The following POLN variants were observed in gnomAD, a reference collection of about 807,000 sequenced individuals.
POLN encodes DNA polymerase nu, also known as DNA polymerase N.
POLN carries 108 observed loss-of-function variants against 113.5 expected under a neutral mutation model. The ratio of observed to expected loss-of-function variants is 0.95; its 90% CI spans 0.81 to 1.12. The LOEUF is 1.12. Ranked by LOEUF, POLN falls within the 50% of genes most tolerant of loss-of-function variation. The pLI, the probability that POLN is intolerant of heterozygous loss-of-function variation, is 0.00. For synonymous variants in POLN, 386 were observed against 391.5 expected, an observed-to-expected ratio of 0.99 and a Z score of 0.17; for missense variants, 1,097 against 1,077.1, an observed-to-expected ratio of 1.02 and a Z score of -0.26.
At chr4:2,135,099 G>A (rs901293509) in intron 16 of POLN, among the ~76,000 whole-genome samples, 4 of 152,204 alleles carry the variant, frequency 2.6e-5, no homozygotes, top group Non-Finnish European at 4.4e-5. Flanking sequence ...CTGTCATGAC[G>A]TGTGTATCAC....
In POLN at chr4:2,159,220, G is replaced by A; in HGVS notation, c.1555-9C>T. 5 of 1,590,600 alleles carry A rather than the reference G, an allele frequency of 3.1e-6. No homozygotes were observed. The highest frequency in any genetic ancestry group is 4.3e-6 in the Non-Finnish European group (5 of 1,161,318). ...TCTCGCAGAGCATTTAACTAAACAT[G>A]AAAATAGATACTACCAATGTAATTC... On this transcript the variant is annotated splice_polypyrimidine_tract_variant and intron_variant, in intron 13 of 25. Transcript: ENST00000511885.
intron 13 of POLN, among the ~76,000 whole-genome samples, chr4:2,161,429 G>A (rs1037904778): frequency 6.6e-6 from 1 of 152,236 alleles, no homozygotes; most frequent in Non-Finnish European, 1.5e-5. Flanking sequence ...GGCTGCGGAG[G>A]GTGTACTGGG....
chr4:2,150,419 G>A (rs994821730), intron 16 of POLN, among the ~76,000 whole-genome samples: 1 of 152,072 alleles, frequency 6.6e-6, no homozygotes, highest in Non-Finnish European at 1.5e-5. Flanking sequence ...TTGAGTTCTC[G>A]ATTCAAGGTA....
intron 6 of POLN, among the ~76,000 whole-genome samples, chr4:2,194,461 C>T (rs1438869691): frequency 6.6e-6 from 1 of 152,006 alleles, no homozygotes; most frequent in Admixed American, 6.6e-5. Flanking sequence ...AAAGGGCGAC[C>T]AGGATGGTAG....
At position 2,072,255 on chromosome 4, in the gene POLN, G is replaced by T. The variant is rs34498495; in HGVS notation, c.2562C>A (p.His854Gln). Residue 854 changes from histidine (H) to glutamine (Q), a missense_variant, in exon 26 of 26, where the codon CAC becomes CAA. Coordinates refer to ENST00000511885, the MANE Select transcript of POLN (RefSeq NM_181808.4). ...VSLSAGRSWG[H>Q]LVPLQEAWGP... ...CCCAGGCCTCCTGCAGTGGCACCAG[G>T]TGTCCCCATGAGCGGCCGGCACTCA... 12 of 1,597,960 alleles carry T rather than the reference G, an allele frequency of 7.5e-6. No individual in the cohort carries two copies. In the South Asian group the frequency reaches 1.2e-4, roughly 16 times the overall value.
chr4:2,233,499 G>A (rs1476308609), intron 2 of POLN, among the ~76,000 whole-genome samples: 1 of 151,894 alleles, frequency 6.6e-6, no homozygotes, highest in Non-Finnish European at 1.5e-5. Context: ...AACATCATAT[G>A]ATTGTTTCTG....
At chr4:2,190,702 T>C (rs1209275385) in intron 7 of POLN, among the ~76,000 whole-genome samples, 2 of 152,076 alleles carry the variant, frequency 1.3e-5, no homozygotes, top group African/African-American at 4.8e-5. Context: ...GATTTAAAAA[T>C]AGGCAAATGA....
intron 23 of POLN, among the ~76,000 whole-genome samples, chr4:2,077,869 G>A (rs1730312627): frequency 6.6e-6 from 1 of 152,222 alleles, no homozygotes; most frequent in South Asian, 2.1e-4. Context: ...TCCGTGTGGG[G>A]TGGATGAATG....
intron 17 of POLN, 103 bp from the exon 18 acceptor site, chr4:2,129,359 T>A: frequency 1.4e-6 from 1 of 729,344 alleles, no homozygotes; most frequent in Non-Finnish European, 2.3e-6. Flanking sequence ...AGTCCAGAGT[T>A]AAGATTTTAA....
chr4:2,221,247 C>A (rs371996234), intron 3 of POLN, among the ~76,000 whole-genome samples: 1 of 152,158 alleles, frequency 6.6e-6, no homozygotes, highest in African/African-American at 2.4e-5. Context: ...AAGCAACAGT[C>A]CCCCTTCCTC....
rs763034274 is a variant in POLN, at chr4:2,173,934, C to A, written c.1374+21G>T. 2.8e-5 allele frequency: 45 copies of A among 1,611,604 alleles called. 1 individual carries two copies. The South Asian group carries it at 4.8e-4, about 17-fold the overall frequency. Reference sequence around the variant, plus strand: ...GCAGGAAAGAGATGGCCAGTACAAACCATCTGGAATAATAACTTACCCCAA... The same window carrying A: ...GCAGGAAAGAGATGGCCAGTACAAAACATCTGGAATAATAACTTACCCCAA... On this transcript the variant is annotated intron_variant, in intron 11 of 25. Coordinates refer to ENST00000511885, the MANE Select transcript of POLN (RefSeq NM_181808.4).
At chr4:2,231,231 T>C (rs904145505) in intron 2 of POLN, 2 of 152,236 alleles carry the variant, frequency 1.3e-5, no homozygotes, top group African/African-American at 4.8e-5. Flanking sequence ...CAGTCAAACA[T>C]GAGGGGACTT....
intron 12 of POLN, 71 bp from the exon 13 acceptor site, chr4:2,170,845 A>C (rs1732843531): frequency 1.5e-6 from 2 of 1,355,782 alleles, no homozygotes; most frequent in African/African-American, 1.4e-5. Context: ...ACTATAGCAG[A>C]GCCCATGCCA....
chr4:2,075,336 CA>C, intron 24 of POLN, 115 bp downstream of exon 24: 1 of 1,106,270 alleles, frequency 9.0e-7, no homozygotes, highest in Admixed American at 2.1e-5. Flanking sequence ...TGAGGTGGGG[CA>C]GGGGCCATAA....
In POLN at chr4:2,173,950, C is replaced by T; in HGVS notation, c.1374+5G>A. The T allele has an allele frequency of 1.9e-6, 3 of 1,613,830 alleles. No individual in the cohort carries two copies. Among genetic ancestry groups the T allele is most frequent in the Non-Finnish European group, 2.5e-6 (3 of 1,179,700 alleles). ...CAGTACAAACCATCTGGAATAATAA[C>T]TTACCCCAAGAAGTGCTGACGTCTT... On this transcript the variant is annotated splice_donor_5th_base_variant and intron_variant, in intron 11 of 25. Transcript: ENST00000511885.
chr4:2,131,384 TA>T lies in POLN; in HGVS notation c.1732-95del, dbSNP rs1731725199. 11 of 813,734 alleles carry T rather than the reference TA, an allele frequency of 1.4e-5. No individual in the cohort carries two copies. The South Asian group carries it at 1.9e-4, about 14-fold the overall frequency. 50.4% of individuals were successfully genotyped at this position (813,734 alleles called of 1,614,324 possible). On this transcript the variant is annotated intron_variant, in intron 16 of 25. Coordinates refer to ENST00000511885, the MANE Select transcript of POLN (RefSeq NM_181808.4). ...ATGTACATCACATTTTATTAAACAT[TA>T]AAACAAGTAAGCCAATGTAACATGC...
chr4:2,077,526 G>A (rs928938891), intron 23 of POLN, among the ~76,000 whole-genome samples: 1 of 152,240 alleles, frequency 6.6e-6, no homozygotes, highest in African/African-American at 2.4e-5. Context: ...AGAAGTCAGA[G>A]GGGCGACAGA....
chr4:2,135,967 G>A (rs74365279), intron 16 of POLN, among the ~76,000 whole-genome samples: 6 of 152,352 alleles, frequency 3.9e-5, no homozygotes, highest in East Asian at 1.9e-4. Flanking sequence ...CACCCAGGCC[G>A]AGAGCAAATG....
At chr4:2,240,135 C>T in intron 2 of POLN, 2 of 1,613,930 alleles carry the variant, frequency 1.2e-6, no homozygotes, top group Non-Finnish European at 1.7e-6. Context: ...ATGTTGAGCA[C>T]AAATGTATGC....
Sources: allele counts gnomAD v4.1 joint callset (sites outside exome capture counted in the v4.1 genomes callset), GRCh38; gene constraint gnomAD v4.1.1; transcripts MANE v1.5; gene names NCBI Gene and HGNC (gene_info 2026-07-23, HGNC 2026-07-21).